Variants in RAB38 observed in about 807,000 individuals in gnomAD.
RAB38 encodes ras-related protein Rab-38.
RAB38 carries 15 observed loss-of-function variants against 18.4 expected under a neutral mutation model. The ratio of observed to expected loss-of-function variants is 0.82; its 90% CI spans 0.55 to 1.26. The LOEUF (loss-of-function observed/expected upper bound fraction) is 1.26. RAB38 is among the 50% of genes most tolerant of loss of function. The pLI, the probability that RAB38 is intolerant of heterozygous loss-of-function variation, is 0.00. For missense variants in RAB38, 294 were observed against 267.4 expected (o/e 1.10, Z -0.69); for synonymous variants, 101 against 104.4 (o/e 0.97, Z 0.20).
the RAB38 span, among the ~76,000 whole-genome samples, chr11:87,927,711 G>C: frequency 2.0e-5 from 3 of 151,872 alleles, no homozygotes; most frequent in Non-Finnish European, 4.4e-5. Flanking sequence ...CTTGTTGTCA[G>C]CCTTAGGCAA....
At chr11:88,117,323 G>T (rs764723137) in intron 2 of RAB38, among the ~76,000 whole-genome samples, 1 of 152,166 alleles carries the variant, frequency 6.6e-6, no homozygotes, top group Non-Finnish European at 1.5e-5. Flanking sequence ...GCATAAAAAG[G>T]TTGGAAAGGG....
chr11:87,811,372 G>T, the RAB38 span, among the ~76,000 whole-genome samples: 1 of 152,180 alleles, frequency 6.6e-6, no homozygotes, highest in Non-Finnish European at 1.5e-5. Flanking sequence ...AATTATCATT[G>T]TTAGAAAGGC....
chr11:88,095,542 A>T, the RAB38 span, among the ~76,000 whole-genome samples: 15,108 of 151,750 alleles, frequency 0.1, 1,246 homozygotes, highest in East Asian at 0.4. Flanking sequence ...TATTTTTCAA[A>T]ATTTAAAGTT....
At chr11:88,119,436 T>C (rs1484023571) in intron 2 of RAB38, among the ~76,000 whole-genome samples, 1 of 152,190 alleles carries the variant, frequency 6.6e-6, no homozygotes, top group East Asian at 1.9e-4. Flanking sequence ...GACACACTCA[T>C]ATAATTAAGA....
chr11:88,161,737 T>C (rs1361880733), intron 1 of RAB38, among the ~76,000 whole-genome samples: 1 of 152,084 alleles, frequency 6.6e-6, no homozygotes, highest in Non-Finnish European at 1.5e-5. Flanking sequence ...CAATAGATTG[T>C]TATTGGAGGA....
chr11:87,976,612 T>TTACATAATATATATAATTA, the RAB38 span, among the ~76,000 whole-genome samples: 1 of 108,810 alleles, frequency 9.2e-6, no homozygotes, highest in Non-Finnish European at 1.7e-5. Context: ...AATACATATT[T>TTACATAATATATATAATTA]TACATGATAT....
At chr11:88,021,594 TTATTTATTTATTTTG>T in the RAB38 span, among the ~76,000 whole-genome samples, 1 of 74,592 alleles carries the variant, frequency 1.3e-5, no homozygotes, top group Non-Finnish European at 3.2e-5. Context: ...ATTTATTTAT[TTATTTATTTATTTTG>T]AGACAGAGTT....
chr11:88,112,048 G>A (rs1227390850), downstream of RAB38, among the ~76,000 whole-genome samples: 1 of 152,204 alleles, frequency 6.6e-6, no homozygotes, highest in African/African-American at 2.4e-5. Context: ...AGACTTGTCA[G>A]AATGTTAAAA....
At chr11:87,877,458 C>A in the RAB38 span, among the ~76,000 whole-genome samples, 1 of 151,524 alleles carries the variant, frequency 6.6e-6, no homozygotes, top group Non-Finnish European at 1.5e-5. Flanking sequence ...CCCCCCACAC[C>A]CATGCTATCT....
chr11:87,840,658 G>A, the RAB38 span, among the ~76,000 whole-genome samples: 1 of 152,144 alleles, frequency 6.6e-6, no homozygotes, highest in African/African-American at 2.4e-5. Context: ...ACTGAACTTT[G>A]TAAGAGTTCC....
the RAB38 span, among the ~76,000 whole-genome samples, chr11:87,938,139 C>T: frequency 6.6e-6 from 1 of 151,948 alleles, no homozygotes; most frequent in Non-Finnish European, 1.5e-5. Flanking sequence ...GTTCAGATTC[C>T]CCATTTGGCC....
At chr11:88,053,165 CA>C in the RAB38 span, among the ~76,000 whole-genome samples, 1 of 63,552 alleles carries the variant, frequency 1.6e-5, no homozygotes, top group Non-Finnish European at 3.2e-5. Context: ...TATATACACA[CA>C]TATATATGGA....
At chr11:88,142,908 G>A (rs765278856) in intron 2 of RAB38, among the ~76,000 whole-genome samples, 4 of 152,146 alleles carry the variant, frequency 2.6e-5, no homozygotes, top group Non-Finnish European at 5.9e-5. Context: ...ACATTTCTTG[G>A]AAGACGTATT....
chr11:87,922,798 A>C, the RAB38 span, among the ~76,000 whole-genome samples: 6 of 151,838 alleles, frequency 4.0e-5, no homozygotes, highest in South Asian at 1.3e-3. Context: ...AGGAGGAAAG[A>C]TGGAAGCAAG....
At chr11:87,856,975 T>C in the RAB38 span, among the ~76,000 whole-genome samples, 1 of 152,118 alleles carries the variant, frequency 6.6e-6, no homozygotes, top group Non-Finnish European at 1.5e-5. Flanking sequence ...TAACTCATCA[T>C]TTACATTAGG....
the RAB38 span, among the ~76,000 whole-genome samples, chr11:88,083,664 G>A: frequency 0.64 from 96,742 of 151,658 alleles, 31,245 homozygotes; most frequent in African/African-American, 0.73. Flanking sequence ...AAGTCATGAG[G>A]GCTCTGCCGT....
the RAB38 span, among the ~76,000 whole-genome samples, chr11:87,873,251 G>T: frequency 1.3e-5 from 2 of 151,500 alleles, no homozygotes; most frequent in African/African-American, 4.8e-5. Flanking sequence ...TATCTTCTTT[G>T]ATAAGGTATC....
At chr11:87,954,109 T>A in the RAB38 span, among the ~76,000 whole-genome samples, 1 of 152,114 alleles carries the variant, frequency 6.6e-6, no homozygotes, top group East Asian at 2.0e-4. Context: ...CAAGCTGAGA[T>A]ACATAAGAAC....
At chr11:88,171,122 C>T (rs902666803) in intron 1 of RAB38, among the ~76,000 whole-genome samples, 3 of 152,202 alleles carry the variant, frequency 2.0e-5, no homozygotes, top group Non-Finnish European at 2.9e-5. Context: ...ATTATGACAA[C>T]AGGAATAATA....
Sources: gnomAD v4.1 joint callset for allele counts (sites outside exome capture counted in the v4.1 genomes callset) on GRCh38, gnomAD v4.1.1 for gene constraint, MANE v1.5 for transcripts, NCBI Gene and HGNC (gene_info 2026-07-23, HGNC 2026-07-21) for gene names.